Variants in GDA observed in about 807,000 individuals in gnomAD.
GDA encodes the protein guanine deaminase.
GDA carries 18 observed loss-of-function variants against 59.6 expected under a neutral mutation model. That is an observed-to-expected ratio of 0.30 (90% CI 0.21 to 0.45). The LOEUF is 0.45. Ranked by LOEUF, GDA falls within the 20% of genes least tolerant of loss-of-function variation. The pLI, the probability that GDA is intolerant of heterozygous loss-of-function variation, is 1.00. For missense variants in GDA, 427 were observed against 552.3 expected (o/e 0.77, Z 2.27); for synonymous variants, 201 against 201.1 (o/e 1.00, Z 0.00).
chr9:72,129,392 C>T (rs772762037), intron 1 of GDA, among the ~76,000 whole-genome samples: 2 of 152,210 alleles, frequency 1.3e-5, no homozygotes, highest in Non-Finnish European at 2.9e-5. Context: ...CTCCTCTTGG[C>T]ATGTTGGCCA....
chr9:72,204,400 A>T (rs1387146213), intron 3 of GDA, among the ~76,000 whole-genome samples: 2 of 152,236 alleles, frequency 1.3e-5, no homozygotes, highest in Non-Finnish European at 1.5e-5. Flanking sequence ...AGGCAAAGAA[A>T]AAAAAGGGGG....
At chr9:72,115,325 T>C (rs1825399624) in intron 1 of GDA, among the ~76,000 whole-genome samples, 1 of 152,200 alleles carries the variant, frequency 6.6e-6, no homozygotes, top group Admixed American at 6.5e-5. Context: ...ACGGATTTCT[T>C]TTCTGTGGTG....
chr9:72,139,347 A>G (rs1277528476), intron 1 of GDA, among the ~76,000 whole-genome samples: 1 of 152,236 alleles, frequency 6.6e-6, no homozygotes, highest in Non-Finnish European at 1.5e-5. Flanking sequence ...TGAAATACAT[A>G]TATCAAAATG....
Position 72,231,820 on chromosome 9 carries a change from T to A in GDA, c.988+639T>A, listed in dbSNP as rs1421333570. ...TTACAAATGCTGTCTCAAAAGAAAT[T>A]TTTTTGTCCTTGCCATAGTGAGCAC... On this transcript the variant is annotated intron_variant, in intron 10 of 13. Transcript: ENST00000358399. Among the ~76,000 whole-genome samples the A allele has an allele frequency of 2.6e-5, 4 of 152,176 alleles. No individual in the cohort carries two copies. The South Asian group carries it at 6.2e-4, about 24-fold the overall frequency.
intron 1 of GDA, among the ~76,000 whole-genome samples, chr9:72,126,413 A>G (rs1825849185): frequency 6.6e-6 from 1 of 152,124 alleles, no homozygotes; most frequent in African/African-American, 2.4e-5. Context: ...GACTTGCCAG[A>G]TGTTGAGTAG....
Position 72,213,973 on chromosome 9 carries a change from C to A in GDA, c.560C>A (p.Ser187Ter). 2 of 1,593,306 alleles carry A rather than the reference C, an allele frequency of 1.3e-6. No homozygotes were observed. The highest frequency in any genetic ancestry group is 1.7e-6 in the Non-Finnish European group (2 of 1,161,262). ...GAATACAAGGAGACCACTGAGGAAT[C>A]GATCAAGGAAACTGAGAGGTAAAAG... ...FPEYKETTEE[S>*]IKETERFVSE... The change falls in exon 5 of 14, where the codon TCG becomes TAG. Residue 187 changes from serine (S) to a stop codon, truncating the protein, a stop_gained. Transcript: ENST00000358399. LOFTEE classifies it high-confidence loss of function.
chr9:72,213,742 G>A (rs916040015), intron 4 of GDA, 144 bp from the exon 5 acceptor site: 2 of 492,390 alleles, frequency 4.1e-6, no homozygotes, highest in African/African-American at 4.0e-5. Context: ...GGCGGAGCTT[G>A]CAGTGAGCCG....
intron 1 of GDA, among the ~76,000 whole-genome samples, chr9:72,189,915 A>G (rs528833953): frequency 6.6e-6 from 1 of 152,286 alleles, no homozygotes; most frequent in South Asian, 2.1e-4. Flanking sequence ...ACCAGGGCAG[A>G]ATGCTATGGT....
intron 3 of GDA, among the ~76,000 whole-genome samples, chr9:72,203,886 G>A (rs1479973608): frequency 6.6e-6 from 1 of 151,316 alleles, no homozygotes; most frequent in African/African-American, 2.4e-5. Flanking sequence ...GCATGATCTC[G>A]GCTCACTGCA....
chr9:72,169,381 A>G (rs2130931730), intron 1 of GDA, among the ~76,000 whole-genome samples: 1 of 152,362 alleles, frequency 6.6e-6, no homozygotes, highest in Middle Eastern at 3.4e-3. Flanking sequence ...CCTAATGCCA[A>G]GTCTATTTCT....
intron 1 of GDA, among the ~76,000 whole-genome samples, chr9:72,127,636 CAAA>C (rs369132489): frequency 1.1e-4 from 13 of 120,802 alleles, no homozygotes; most frequent in Admixed American, 8.3e-5. Context: ...GACTCTGTCT[CAAA>C]AAAAAAAAAA....
chr9:72,243,037 T>G (rs1349665788), intron 11 of GDA, among the ~76,000 whole-genome samples: 1 of 152,214 alleles, frequency 6.6e-6, no homozygotes, highest in Non-Finnish European at 1.5e-5. Context: ...TTTCCTTAGT[T>G]TGTTTCTCTA....
intron 1 of GDA, among the ~76,000 whole-genome samples, chr9:72,182,376 A>G (rs1417088273): frequency 3.9e-5 from 6 of 152,132 alleles, no homozygotes; most frequent in African/African-American, 1.4e-4. Flanking sequence ...AATTTTCAAG[A>G]ATATAGAAGA....
At chr9:72,172,702 G>A (rs983718903) in intron 1 of GDA, among the ~76,000 whole-genome samples, 5 of 152,190 alleles carry the variant, frequency 3.3e-5, no homozygotes, top group African/African-American at 1.2e-4. Flanking sequence ...GAATGAGATG[G>A]AGAACACAAA....
intron 1 of GDA, among the ~76,000 whole-genome samples, chr9:72,134,669 G>GC (rs1826154170): frequency 6.6e-6 from 1 of 152,202 alleles, no homozygotes. Context: ...CTCCCAAAGT[G>GC]CTGGGATTAC....
chr9:72,241,982 G>A (rs1474479445), intron 11 of GDA, among the ~76,000 whole-genome samples: 1 of 152,140 alleles, frequency 6.6e-6, no homozygotes, highest in Non-Finnish European at 1.5e-5. Context: ...TAGTAAAATA[G>A]TAGCCAAGGC....
intron 1 of GDA, among the ~76,000 whole-genome samples, chr9:72,193,574 T>A (rs530614352): frequency 2.6e-5 from 4 of 152,260 alleles, no homozygotes; most frequent in Non-Finnish European, 4.4e-5. Flanking sequence ...TCACTATGAC[T>A]GTGCTGGGTC....
rs76825762 is a variant in GDA, at chr9:72,156,857, C to G, written c.123+7175C>G. Among the ~76,000 whole-genome samples the G allele has an allele frequency of 5.5e-3, 833 of 152,070 alleles. 11 individuals are homozygous for G. The highest frequency in any genetic ancestry group is 0.019 in the African/African-American group (805 of 41,488). On this transcript the variant is annotated intron_variant, in intron 1 of 13. Coordinates refer to ENST00000358399, the MANE Select transcript of GDA (RefSeq NM_004293.5). The stretch of plus-strand genomic sequence containing the variant: ...TAGGATGTGGGAAGAGAAGCCCTGC[C>G]TTTTTTGGATACTCTCATATGAAGA...
At chr9:72,231,667 G>T (rs951024511) in intron 10 of GDA, among the ~76,000 whole-genome samples, 6 of 152,160 alleles carry the variant, frequency 3.9e-5, no homozygotes, top group Admixed American at 1.3e-4. Flanking sequence ...AGGCTATAAA[G>T]GATGATTAAT....
Sources: gnomAD v4.1 joint callset for allele counts (sites outside exome capture counted in the v4.1 genomes callset) on GRCh38, gnomAD v4.1.1 for gene constraint, MANE v1.5 for transcripts, NCBI Gene and HGNC (gene_info 2026-07-23, HGNC 2026-07-21) for gene names.